Variants in BAZ2B observed in about 807,000 individuals in gnomAD.
BAZ2B encodes the protein bromodomain adjacent to zinc finger domain protein 2B.
A neutral mutation model predicts 246.0 loss-of-function variants in BAZ2B; 91 were observed. The ratio of observed to expected loss-of-function variants is 0.37; its 90% CI spans 0.31 to 0.44. The LOEUF (loss-of-function observed/expected upper bound fraction) is 0.44, where lower values mean the gene tolerates loss of function less well. Among genes scored for constraint, BAZ2B ranks in the 20% least tolerant of loss-of-function variants. BAZ2B has a pLI of 1.00. For missense variants in BAZ2B, 2,332 were observed against 2,533.7 expected, an observed-to-expected ratio of 0.92 and a Z score of 1.71; for synonymous variants, 855 against 860.0, an observed-to-expected ratio of 0.99 and a Z score of 0.10.
At chr2:159,485,335 A>C (rs1376719643) in intron 2 of BAZ2B, among the ~76,000 whole-genome samples, 1 of 152,300 alleles carries the variant, frequency 6.6e-6, no homozygotes, top group East Asian at 1.9e-4. Context: ...AGCAGACAAA[A>C]TTATTCTTTG....
the BAZ2B span, among the ~76,000 whole-genome samples, chr2:159,626,334 C>T: frequency 6.6e-6 from 1 of 152,162 alleles, no homozygotes; most frequent in Admixed American, 6.5e-5. Context: ...ATCTAATAAA[C>T]ACCTATATAA....
the BAZ2B span, chr2:159,694,056 A>G: frequency 2.0e-5 from 3 of 152,120 alleles, no homozygotes; most frequent in African/African-American, 4.8e-5. Context: ...TTAGAATGTG[A>G]TTGAATTTGG....
At chr2:159,340,518 C>T (rs1247234839) in intron 31 of BAZ2B, among the ~76,000 whole-genome samples, 1 of 152,006 alleles carries the variant, frequency 6.6e-6, no homozygotes, top group Non-Finnish European at 1.5e-5. Context: ...ACAAAGAATT[C>T]TGAAAGCATT....
intron 1 of BAZ2B, among the ~76,000 whole-genome samples, chr2:159,566,042 G>A (rs938164807): frequency 6.6e-6 from 1 of 151,984 alleles, no homozygotes; most frequent in Non-Finnish European, 1.5e-5. Context: ...AAGGAGTTTC[G>A]CTCTTGTTGC....
At chr2:159,318,775 G>A (rs1225208119), downstream of BAZ2B, among the ~76,000 whole-genome samples, 3 of 152,124 alleles carry the variant, frequency 2.0e-5, no homozygotes, top group Non-Finnish European at 2.9e-5. Context: ...GACAAGGTTC[G>A]GAGAAGTTCG....
At chr2:159,406,390 T>C (rs907788834) in intron 14 of BAZ2B, among the ~76,000 whole-genome samples, 1 of 152,158 alleles carries the variant, frequency 6.6e-6, no homozygotes, top group Admixed American at 6.5e-5. Context: ...TTCCAGCTGA[T>C]TCCATGTGCA....
chr2:159,699,047 C>T, the BAZ2B span, among the ~76,000 whole-genome samples: 1 of 152,210 alleles, frequency 6.6e-6, no homozygotes, highest in Non-Finnish European at 1.5e-5. Flanking sequence ...CAAGGATTGT[C>T]TTCTGGTAAT....
chr2:159,437,613 T>G (rs1181282009), intron 8 of BAZ2B: 1 of 152,190 alleles, frequency 6.6e-6, no homozygotes, highest in Non-Finnish European at 1.5e-5. Flanking sequence ...TTGAGTTCAC[T>G]TCTTTGAAAA....
chr2:159,478,725 T>C lies in BAZ2B; in HGVS notation c.-2-4A>G. The C allele has an allele frequency of 6.6e-7, 1 of 1,515,478 alleles. No individual in the cohort carries two copies. Among genetic ancestry groups the C allele is most frequent in the Non-Finnish European group, 8.8e-7 (1 of 1,133,658 alleles). 93.9% of individuals were successfully genotyped at this position (1,515,478 alleles called of 1,614,324 possible). ...AACCGTTCTCCAGACTCCATATCTATGAGAAGGGAAAATGTTAATTCTCAG... is the reference window on the plus strand; with the variant it reads ...AACCGTTCTCCAGACTCCATATCTACGAGAAGGGAAAATGTTAATTCTCAG... On this transcript the variant is annotated splice_region_variant and splice_polypyrimidine_tract_variant and intron_variant, in intron 2 of 36. Transcript: ENST00000392783.
chr2:159,640,217 G>A, the BAZ2B span, among the ~76,000 whole-genome samples: 1 of 151,988 alleles, frequency 6.6e-6, no homozygotes, highest in Admixed American at 6.6e-5. Flanking sequence ...AATATTATTA[G>A]AACTAAAGAG....
At chr2:159,465,124 T>A (rs1402003706) in intron 3 of BAZ2B, among the ~76,000 whole-genome samples, 1 of 152,162 alleles carries the variant, frequency 6.6e-6, no homozygotes, top group African/African-American at 2.4e-5. Flanking sequence ...AATCAAGGTG[T>A]CAACAAGGCC....
chr2:159,617,558 A>G (rs1696230189), upstream of BAZ2B, among the ~76,000 whole-genome samples: 1 of 152,128 alleles, frequency 6.6e-6, no homozygotes, highest in Admixed American at 6.5e-5. Context: ...TAAAAATTGC[A>G]TAATTTAATT....
At chr2:159,355,320 T>C (rs1395236509) in intron 27 of BAZ2B, among the ~76,000 whole-genome samples, 1 of 152,054 alleles carries the variant, frequency 6.6e-6, no homozygotes, top group African/African-American at 2.4e-5. Context: ...AACCAGCTCC[T>C]AGGAAGCATC....
At chr2:159,612,663 G>T (rs1270081968) in intron 1 of BAZ2B, among the ~76,000 whole-genome samples, 1 of 152,106 alleles carries the variant, frequency 6.6e-6, no homozygotes, top group Non-Finnish European at 1.5e-5. Flanking sequence ...CACAAAAGTA[G>T]CAACAAAGAC....
chr2:159,549,774 T>TAAA (rs201877310), intron 2 of BAZ2B, among the ~76,000 whole-genome samples: 53 of 132,744 alleles, frequency 4.0e-4, no homozygotes, highest in African/African-American at 1.4e-3. Context: ...GTGAGATGTT[T>TAAA]AAAAAAAAAA....
intron 16 of BAZ2B, among the ~76,000 whole-genome samples, chr2:159,404,079 T>C: frequency 6.6e-6 from 1 of 152,134 alleles, no homozygotes; most frequent in East Asian, 1.9e-4. Flanking sequence ...AGTAACATAA[T>C]TGATTTCATT....
chr2:159,640,349 G>A, the BAZ2B span, among the ~76,000 whole-genome samples: 1 of 151,864 alleles, frequency 6.6e-6, no homozygotes, highest in Non-Finnish European at 1.5e-5. Flanking sequence ...CAAAAAATGG[G>A]CCTCATAGCT....
chr2:159,467,607 G>C (rs190450707), intron 3 of BAZ2B, among the ~76,000 whole-genome samples: 51 of 152,268 alleles, frequency 3.3e-4, no homozygotes, highest in African/African-American at 1.2e-3. Flanking sequence ...GCTAGGCTGG[G>C]TCACATGCCA....
intron 2 of BAZ2B, among the ~76,000 whole-genome samples, chr2:159,533,028 AC>A (rs1266458760): frequency 6.6e-6 from 1 of 152,206 alleles, no homozygotes. Flanking sequence ...GAGACATGAT[AC>A]TGGAGACAGA....
Sources: allele counts gnomAD v4.1 joint callset (sites outside exome capture counted in the v4.1 genomes callset), GRCh38; gene constraint gnomAD v4.1.1; transcripts MANE v1.5; gene names NCBI Gene and HGNC (gene_info 2026-07-23, HGNC 2026-07-21).